Variants in RBFOX1 observed in about 807,000 individuals in gnomAD.
RBFOX1 encodes the protein RNA binding protein fox-1 homolog 1.
A neutral mutation model predicts 57.7 loss-of-function variants in RBFOX1; 8 were observed. That is an observed-to-expected ratio of 0.14 (90% CI 0.08 to 0.25). The LOEUF (loss-of-function observed/expected upper bound fraction) is 0.25, where lower values mean the gene tolerates loss of function less well. Among genes scored for constraint, RBFOX1 ranks in the 10% least tolerant of loss-of-function variants. The pLI is 1.00. For synonymous variants in RBFOX1, 326 were observed against 222.4 expected, an observed-to-expected ratio of 1.47 and a Z score of -4.15; for missense variants, 611 against 548.5, an observed-to-expected ratio of 1.11 and a Z score of -1.14.
At chr16:5,742,507 A>G (rs1217638448) in intron 3 of RBFOX1, among the ~76,000 whole-genome samples, 25 of 152,176 alleles carry the variant, frequency 1.6e-4, no homozygotes. Flanking sequence ...GAAGCTGTCA[A>G]AGGAGAGAAA....
At chr16:7,266,998 A>G (rs897146655) in intron 4 of RBFOX1, among the ~76,000 whole-genome samples, 1 of 152,102 alleles carries the variant, frequency 6.6e-6, no homozygotes, top group Non-Finnish European at 1.5e-5. Context: ...GCTCCCCAAA[A>G]CAAAAACAAG....
At chr16:6,511,654 C>T (rs1279422719) in intron 2 of RBFOX1, among the ~76,000 whole-genome samples, 1 of 152,086 alleles carries the variant, frequency 6.6e-6, no homozygotes, top group East Asian at 1.9e-4. Context: ...TTTACTAACT[C>T]CCTGGTGAAG....
At chr16:6,833,899 G>T (rs899622494) in intron 3 of RBFOX1, among the ~76,000 whole-genome samples, 1 of 151,966 alleles carries the variant, frequency 6.6e-6, no homozygotes, top group African/African-American at 2.4e-5. Flanking sequence ...GAGGAACCTG[G>T]CAAGGTTGAT....
intron 14 of RBFOX1, chr16:7,693,493 A>G (rs192326547): frequency 4.3e-6 from 3 of 703,948 alleles, no homozygotes; most frequent in Non-Finnish European, 7.0e-6. Flanking sequence ...AAAAAAAAAG[A>G]TCTTATATCT....
At chr16:6,495,331 C>G (rs914713928) in intron 2 of RBFOX1, among the ~76,000 whole-genome samples, 1 of 152,108 alleles carries the variant, frequency 6.6e-6, no homozygotes, top group Non-Finnish European at 1.5e-5. Flanking sequence ...GTTTTCCAGG[C>G]TGGTCTCGAA....
At chr16:6,529,538 G>C (rs1272821776) in intron 2 of RBFOX1, among the ~76,000 whole-genome samples, 1 of 151,380 alleles carries the variant, frequency 6.6e-6, no homozygotes, top group Admixed American at 6.6e-5. Context: ...CAGCCTGGGT[G>C]ACAGAGACTC....
At chr16:6,541,029 T>A (rs1026482780) in intron 2 of RBFOX1, among the ~76,000 whole-genome samples, 2 of 152,148 alleles carry the variant, frequency 1.3e-5, no homozygotes, top group African/African-American at 4.8e-5. Context: ...CAAGTTCTTA[T>A]ATAAAGAGGG....
chr16:6,585,226 A>G (rs900736558), intron 2 of RBFOX1, among the ~76,000 whole-genome samples: 16 of 152,188 alleles, frequency 1.1e-4, no homozygotes, highest in African/African-American at 3.6e-4. Context: ...ATAGATAACT[A>G]TCATCTTTCC....
intron 1 of RBFOX1, among the ~76,000 whole-genome samples, chr16:5,269,612 A>G (rs1288886173): frequency 1.3e-5 from 2 of 152,218 alleles, no homozygotes; most frequent in African/African-American, 2.4e-5. Context: ...ATTCTACATG[A>G]TTTCATTCAG....
intron 4 of RBFOX1, among the ~76,000 whole-genome samples, chr16:7,352,870 C>A (rs570031173): frequency 6.6e-6 from 1 of 152,172 alleles, no homozygotes; most frequent in South Asian, 2.1e-4. Context: ...AGCATGCCAC[C>A]ATGACCAGCT....
chr16:7,134,926 CT>C (rs575938480), intron 4 of RBFOX1, among the ~76,000 whole-genome samples: 254 of 141,808 alleles, frequency 1.8e-3, no homozygotes, highest in African/African-American at 4.6e-3. Context: ...TTGAATTTAT[CT>C]TTTTTTTTTT....
At chr16:7,538,227 T>C (rs1291631432) in intron 5 of RBFOX1, among the ~76,000 whole-genome samples, 1 of 152,164 alleles carries the variant, frequency 6.6e-6, no homozygotes, top group Non-Finnish European at 1.5e-5. Flanking sequence ...TGGGCTTCAC[T>C]TGAATGGTTT....
rs565194215 is a variant in RBFOX1 at position 6,215,052 on chromosome 16, G to A, written c.-126-101943G>A. Among the ~76,000 whole-genome samples the A allele has an allele frequency of 4.3e-5, 6 of 139,456 alleles. No homozygotes were observed. In the South Asian group the frequency reaches 1.5e-3, roughly 35 times the overall value. 91.5% of individuals were successfully genotyped at this position (139,456 alleles called of 152,430 possible). The stretch of plus-strand genomic sequence containing the variant: ...GGAAATGGAGAGGGAGAGGGGAGAA[G>A]GAGAGGGAGAGGGACGGGGAGATGG... On this transcript the variant is annotated intron_variant, in intron 1 of 15. Transcript: ENST00000550418.
At chr16:5,653,162 T>C (rs2049299269) in intron 3 of RBFOX1, among the ~76,000 whole-genome samples, 1 of 151,730 alleles carries the variant, frequency 6.6e-6, no homozygotes. Context: ...GAAGGTGGGG[T>C]GCGGAACCGT....
intron 4 of RBFOX1, among the ~76,000 whole-genome samples, chr16:5,933,688 C>G (rs1175362984): frequency 6.6e-6 from 1 of 152,122 alleles, no homozygotes; most frequent in African/African-American, 2.4e-5. Flanking sequence ...CTTTCCAAAG[C>G]CCTGAAATAC....
intron 1 of RBFOX1, among the ~76,000 whole-genome samples, chr16:6,260,243 C>A (rs765240741): frequency 2.2e-4 from 34 of 152,256 alleles, no homozygotes; most frequent in Non-Finnish European, 4.3e-4. Context: ...CAGAATTAAA[C>A]ACGCTTTTCT....
chr16:5,723,709 C>A (rs1458685045), intron 3 of RBFOX1, among the ~76,000 whole-genome samples: 1 of 152,070 alleles, frequency 6.6e-6, no homozygotes, highest in Non-Finnish European at 1.5e-5. Context: ...CAGTCTCAGG[C>A]TTGGGCTGGA....
At chr16:5,832,013 T>C (rs1254240325) in intron 3 of RBFOX1, among the ~76,000 whole-genome samples, 2 of 152,124 alleles carry the variant, frequency 1.3e-5, no homozygotes, top group African/African-American at 4.8e-5. Context: ...AGAGGGAAGG[T>C]ATGTCTGTCT....
At chr16:6,770,850 C>CT (rs2078174259) in intron 3 of RBFOX1, among the ~76,000 whole-genome samples, 1 of 152,124 alleles carries the variant, frequency 6.6e-6, no homozygotes, top group Non-Finnish European at 1.5e-5. Context: ...AATAGTAGGG[C>CT]TGAAGTCTCC....
Sources: allele counts gnomAD v4.1 joint callset (sites outside exome capture counted in the v4.1 genomes callset), GRCh38; gene constraint gnomAD v4.1.1; transcripts MANE v1.5; gene names NCBI Gene and HGNC (gene_info 2026-07-23, HGNC 2026-07-21).